The following PAH variants were observed in gnomAD, a reference collection of about 807,000 sequenced individuals.
The protein encoded by PAH is phenylalanine-4-hydroxylase.
Under a neutral mutation model 62.0 loss-of-function variants are expected in PAH, and 64 were observed. The observed-to-expected ratio is 1.03, with a 90% CI of 0.84 to 1.27. The LOEUF is 1.27. Among genes scored for constraint, PAH ranks in the 50% most tolerant of loss-of-function variants. PAH has a pLI of 0.00. For missense variants in PAH, 579 were observed against 542.8 expected (o/e 1.07, Z -0.66); for synonymous variants, 195 against 196.2 (o/e 0.99, Z 0.05).
chr12:102,916,272 TA>T (rs1257145134), intron 1 of PAH, among the ~76,000 whole-genome samples: 4 of 152,212 alleles, frequency 2.6e-5, no homozygotes, highest in African/African-American at 9.6e-5. Flanking sequence ...CTCTTCTCCC[TA>T]ATCCTACTGA....
chr12:102,954,996 G>A (rs956922603), upstream of PAH, among the ~76,000 whole-genome samples: 1 of 152,160 alleles, frequency 6.6e-6, no homozygotes, highest in Non-Finnish European at 1.5e-5. Context: ...TAGCATACTA[G>A]GGTGAGAAGA....
chr12:102,868,084 GTGTGTA>G lies in PAH; in HGVS notation c.442-1427_442-1422del, dbSNP rs1876100587. On this transcript the variant is annotated intron_variant, in intron 4 of 12. Coordinates refer to ENST00000553106, the MANE Select transcript of PAH (RefSeq NM_000277.3). ...TACACATATATATACATATATGTGT[GTGTGTA>G]TATATATATATATACACATATATAT... 1.9e-5 allele frequency among the ~76,000 whole-genome samples: 2 copies of G among 106,664 alleles called. 1 individual carries two copies. Among genetic ancestry groups the G allele is most frequent in the African/African-American group, 9.3e-5 (2 of 21,566 alleles). The allele number at this position is 106,664 out of a possible 152,430, so 70.0% of individuals were successfully genotyped here. A position where few individuals can be genotyped will look rare whatever the true frequency, so the allele number is the denominator to read the frequency against.
At chr12:102,865,280 C>T (rs1465923604) in intron 5 of PAH, among the ~76,000 whole-genome samples, 2 of 152,140 alleles carry the variant, frequency 1.3e-5, no homozygotes, top group African/African-American at 4.8e-5. Flanking sequence ...GAAGTGCAGT[C>T]TCTAGACTCT....
chr12:102,884,312 C>G (rs763488864), intron 3 of PAH, among the ~76,000 whole-genome samples: 2 of 152,198 alleles, frequency 1.3e-5, no homozygotes, highest in Non-Finnish European at 2.9e-5. Context: ...TGATGTGGCT[C>G]ACTTCCCAGC....
At chr12:102,888,602 C>T (rs1877134553) in intron 3 of PAH, among the ~76,000 whole-genome samples, 3 of 150,734 alleles carry the variant, frequency 2.0e-5, no homozygotes, top group Non-Finnish European at 4.4e-5. Context: ...AATAGAGTTG[C>T]CTGTGACTGA....
intron 1 of PAH, among the ~76,000 whole-genome samples, chr12:102,932,916 C>T (rs1522303): frequency 0.13 from 20,117 of 152,100 alleles, 1,553 homozygotes; most frequent in African/African-American, 0.2. Flanking sequence ...ACACATTGCA[C>T]GCTTATACTC....
intron 1 of PAH, among the ~76,000 whole-genome samples, chr12:102,941,927 C>G (rs1319723248): frequency 1.3e-5 from 2 of 152,078 alleles, no homozygotes; most frequent in African/African-American, 4.8e-5. Context: ...AAGGAACACA[C>G]CTCAAAATAA....
chr12:102,842,491 T>C (rs1874634870), intron 11 of PAH, among the ~76,000 whole-genome samples: 1 of 152,196 alleles, frequency 6.6e-6, no homozygotes, highest in Non-Finnish European at 1.5e-5. Context: ...GAAGTCTCTT[T>C]ATTCCAAAGG....
intron 1 of PAH, among the ~76,000 whole-genome samples, chr12:102,928,438 G>A (rs575191041): frequency 6.6e-6 from 1 of 152,148 alleles, no homozygotes; most frequent in African/African-American, 2.4e-5. Flanking sequence ...AAAATATCAG[G>A]TATGGTGATG....
At chr12:102,854,284 C>G (rs7305565) in intron 6 of PAH, among the ~76,000 whole-genome samples, 2,458 of 152,316 alleles carry the variant, frequency 0.016, 63 homozygotes, top group African/African-American at 0.056. Context: ...TGGCCCATCT[C>G]TGCACAGCTC....
chr12:102,895,472 G>A (rs1462716297), intron 2 of PAH, among the ~76,000 whole-genome samples: 2 of 152,086 alleles, frequency 1.3e-5, no homozygotes, highest in African/African-American at 4.8e-5. Flanking sequence ...TTCATTGGGA[G>A]TGTTGGATGA....
intron 5 of PAH, among the ~76,000 whole-genome samples, chr12:102,860,172 T>C (rs986171613): frequency 1.3e-5 from 2 of 152,150 alleles, no homozygotes; most frequent in Non-Finnish European, 2.9e-5. Flanking sequence ...ACAAGCATTC[T>C]TATACACCAA....
At chr12:102,870,630 A>T (rs1024428981) in intron 4 of PAH, among the ~76,000 whole-genome samples, 1 of 152,214 alleles carries the variant, frequency 6.6e-6, no homozygotes, top group African/African-American at 2.4e-5. Flanking sequence ...TTTTAAACCA[A>T]CATCTACAGA....
upstream of PAH, among the ~76,000 whole-genome samples, chr12:102,951,653 G>C (rs964400173): frequency 6.6e-6 from 1 of 152,132 alleles, no homozygotes; most frequent in Admixed American, 6.5e-5. Flanking sequence ...GTTCCAAGAG[G>C]ATCCACAAAG....
At chr12:102,882,642 CTATATATATATA>C (rs869088873) in intron 3 of PAH, among the ~76,000 whole-genome samples, 1 of 85,872 alleles carries the variant, frequency 1.2e-5, no homozygotes, top group Non-Finnish European at 2.1e-5. Context: ...TATATATACA[CTATATATATATA>C]TATATATATA....
intron 6 of PAH, among the ~76,000 whole-genome samples, chr12:102,853,699 G>T (rs1875281896): frequency 6.6e-6 from 1 of 152,130 alleles, no homozygotes; most frequent in African/African-American, 2.4e-5. Flanking sequence ...CATCTCTATG[G>T]TTCCTGTATC....
intron 3 of PAH, among the ~76,000 whole-genome samples, chr12:102,890,355 C>A (rs1877226190): frequency 6.6e-6 from 1 of 152,200 alleles, no homozygotes; most frequent in African/African-American, 2.4e-5. Flanking sequence ...ACTGTTCTCC[C>A]ACTGAGTCCT....
At chr12:102,934,040 C>T (rs1879010824) in intron 1 of PAH, among the ~76,000 whole-genome samples, 1 of 151,872 alleles carries the variant, frequency 6.6e-6, no homozygotes, top group Non-Finnish European at 1.5e-5. Flanking sequence ...GAAGAGTTTC[C>T]CCAATGTTTT....
At chr12:102,921,121 C>A (rs1008395864), upstream of PAH, among the ~76,000 whole-genome samples, 1 of 152,068 alleles carries the variant, frequency 6.6e-6, no homozygotes, top group Admixed American at 6.6e-5. Flanking sequence ...TGGCTTGGAC[C>A]AGTCTACACA....
Sources: allele counts gnomAD v4.1 joint callset (sites outside exome capture counted in the v4.1 genomes callset), GRCh38; gene constraint gnomAD v4.1.1; transcripts MANE v1.5; gene names NCBI Gene and HGNC (gene_info 2026-07-23, HGNC 2026-07-21).